SLC31A1: variants seen among roughly 807,000 people sequenced by gnomAD.
SLC31A1 encodes the protein solute carrier family 31 member 1, also known as high affinity copper uptake protein 1.
Under a neutral mutation model 17.2 loss-of-function variants are expected in SLC31A1, and 5 were observed. The observed-to-expected ratio is 0.29, with a 90% CI of 0.15 to 0.61. The LOEUF is 0.61. Among genes scored for constraint, SLC31A1 ranks in the 20% least tolerant of loss-of-function variants. The pLI is 0.86. For synonymous variants in SLC31A1, 76 were observed against 78.8 expected, an observed-to-expected ratio of 0.96 and a Z score of 0.19; for missense variants, 161 against 241.4, an observed-to-expected ratio of 0.67 and a Z score of 2.21.
intron 1 of SLC31A1, among the ~76,000 whole-genome samples, chr9:113,222,965 A>AT (rs539021987): frequency 8.3e-4 from 127 of 152,274 alleles, no homozygotes; most frequent in African/African-American, 2.9e-3. Context: ...TATCTATGGT[A>AT]TTTTTAACAT....
chr9:113,246,706 C>A (rs1831583391), intron 1 of SLC31A1, among the ~76,000 whole-genome samples: 1 of 151,542 alleles, frequency 6.6e-6, no homozygotes, highest in African/African-American at 2.4e-5. Flanking sequence ...TGCTCTATAT[C>A]CCAGGCTGGA....
Position 113,221,603 on chromosome 9 carries a change from G to T in SLC31A1, c.-111G>T. ...CGAGCCGGGTAGAAGTGGAGGGGCCGTTCGAAGAGTCGTGAGGGGGTGACG... is the reference window on the plus strand; with the variant it reads ...CGAGCCGGGTAGAAGTGGAGGGGCCTTTCGAAGAGTCGTGAGGGGGTGACG... On this transcript the variant is annotated 5_prime_UTR_variant, in exon 1 of 5. Transcript: ENST00000374212. 2.5e-6 allele frequency: 1 copy of T among 400,904 alleles called. No homozygotes were observed. The highest frequency in any genetic ancestry group is 4.8e-6 in the Non-Finnish European group (1 of 210,290). The allele number at this position is 400,904 out of a possible 1,614,324, so 24.8% of individuals were successfully genotyped here.
At chr9:113,245,654 G>T (rs1321672428) in intron 1 of SLC31A1, among the ~76,000 whole-genome samples, 3 of 149,786 alleles carry the variant, frequency 2.0e-5, no homozygotes, top group Non-Finnish European at 4.4e-5. Flanking sequence ...TTTTTTTTAA[G>T]ACAAGACATT....
In SLC31A1 at chr9:113,221,565, G is replaced by C. The variant is rs1831268825; in HGVS notation, c.-149G>C. ...CGGGAAATCCTCGGCCTCGGTGGCG[G>C]TGGTGGACACGTCGAGCCGGGTAGA... is the stretch of plus-strand genomic sequence containing the variant. On this transcript the variant is annotated 5_prime_UTR_variant, in exon 1 of 5. Coordinates refer to ENST00000374212, the MANE Select transcript of SLC31A1 (RefSeq NM_001859.4). The C allele has an allele frequency of 4.4e-6, 2 of 454,192 alleles. No homozygotes were observed. Among genetic ancestry groups the C allele is most frequent in the East Asian group, 9.4e-5 (2 of 21,286 alleles). 28.1% of individuals were successfully genotyped at this position (454,192 alleles called of 1,614,324 possible).
At chr9:113,224,155 C>T (rs1443260252) in intron 1 of SLC31A1, among the ~76,000 whole-genome samples, 5 of 152,318 alleles carry the variant, frequency 3.3e-5, no homozygotes, top group African/African-American at 4.8e-5. Context: ...TATGACTCCT[C>T]TTACCCTCCA....
In SLC31A1 at chr9:113,264,306, C is replaced by T. The variant is rs141123297; in HGVS notation, c.*3833C>T. ...TCCAGCCTGGGCGACAAGAGCAAAA[C>T]TCCGTCTCAAAAAAAAAAAAAAGAT... On this transcript the variant is annotated 3_prime_UTR_variant, in exon 5 of 5. Coordinates refer to ENST00000374212, the MANE Select transcript of SLC31A1 (RefSeq NM_001859.4). 6.6e-6 allele frequency: 1 copy of T among 150,666 alleles called. No homozygotes were observed. The highest frequency in any genetic ancestry group is 1.5e-5 in the Non-Finnish European group (1 of 67,816). The allele number at this position is 150,666 out of a possible 1,614,324, so 9.3% of individuals were successfully genotyped here. A position where few individuals can be genotyped will look rare whatever the true frequency, so the allele number is the denominator to read the frequency against.
At chr9:113,231,163 G>C (rs1271042700) in intron 1 of SLC31A1, among the ~76,000 whole-genome samples, 1 of 152,170 alleles carries the variant, frequency 6.6e-6, no homozygotes, top group Non-Finnish European at 1.5e-5. Context: ...GAAAGGACAA[G>C]AGACCAAGTA....
At chr9:113,239,743 C>T (rs894692123) in intron 1 of SLC31A1, among the ~76,000 whole-genome samples, 33 of 152,228 alleles carry the variant, frequency 2.2e-4, no homozygotes, top group Non-Finnish European at 4.3e-4. Context: ...GCCACCACGC[C>T]CAGCTAACTT....
At chr9:113,249,294 T>C (rs1010157134) in intron 1 of SLC31A1, among the ~76,000 whole-genome samples, 2 of 75,200 alleles carry the variant, frequency 2.7e-5, no homozygotes, top group African/African-American at 9.9e-5. Context: ...TATACCTCAA[T>C]TGGCAAAAAA....
chr9:113,257,461 C>G (rs1261786231), intron 3 of SLC31A1, among the ~76,000 whole-genome samples: 1 of 145,036 alleles, frequency 6.9e-6, no homozygotes, highest in South Asian at 2.2e-4. Flanking sequence ...TTCTTTCATT[C>G]TTTTCCAGAG....
intron 1 of SLC31A1, among the ~76,000 whole-genome samples, chr9:113,251,233 G>A (rs902880400): frequency 3.9e-5 from 6 of 152,048 alleles, no homozygotes; most frequent in African/African-American, 1.4e-4. Context: ...CACCAGCCTT[G>A]CCAACATGGT....
rs1166705450 is a variant in SLC31A1 at position 113,251,525 on chromosome 9, C to A, written c.-35-4589C>A. On this transcript the variant is annotated intron_variant, in intron 1 of 4. Coordinates refer to ENST00000374212, the MANE Select transcript of SLC31A1 (RefSeq NM_001859.4). ...CATTTTTATTTTGGAAGAAGCTGAG[C>A]TTAAGTCAGATTAAAGCTACCAAAG... 4.0e-5 allele frequency among the ~76,000 whole-genome samples: 6 copies of A among 151,876 alleles called. No homozygotes were observed. In the East Asian group the frequency reaches 1.2e-3, roughly 29 times the overall value.
intron 1 of SLC31A1, among the ~76,000 whole-genome samples, chr9:113,252,951 T>C (rs938144081): frequency 2.6e-5 from 3 of 113,796 alleles, no homozygotes; most frequent in South Asian, 2.8e-4. Flanking sequence ...CTTTTCTTTT[T>C]TTCTTTTTTT....
intron 1 of SLC31A1, among the ~76,000 whole-genome samples, chr9:113,225,950 A>C (rs886308866): frequency 2.0e-5 from 3 of 152,196 alleles, no homozygotes; most frequent in Non-Finnish European, 4.4e-5. Context: ...CCTGGCCAAC[A>C]TGGTGAAACC....
At chr9:113,251,805 A>G (rs930026166) in intron 1 of SLC31A1, among the ~76,000 whole-genome samples, 2 of 152,182 alleles carry the variant, frequency 1.3e-5, no homozygotes, top group Admixed American at 6.5e-5. Flanking sequence ...ATCTTTTCCT[A>G]AAATAAAGCT....
At chr9:113,250,694 A>G (rs1484387536) in intron 1 of SLC31A1, among the ~76,000 whole-genome samples, 2 of 151,980 alleles carry the variant, frequency 1.3e-5, no homozygotes, top group African/African-American at 4.8e-5. Flanking sequence ...AAAACTTCAA[A>G]AAAAAAAAAG....
At chr9:113,236,664 C>T (rs1831464392) in intron 1 of SLC31A1, among the ~76,000 whole-genome samples, 1 of 152,152 alleles carries the variant, frequency 6.6e-6, no homozygotes, top group Non-Finnish European at 1.5e-5. Context: ...ACCCGGCCCT[C>T]ACTGAAACTA....
intron 1 of SLC31A1, among the ~76,000 whole-genome samples, chr9:113,239,849 G>A (rs570589172): frequency 6.6e-6 from 1 of 152,362 alleles, no homozygotes; most frequent in South Asian, 2.1e-4. Flanking sequence ...CTCCCAAAGT[G>A]TTGGGATTAC....
intron 1 of SLC31A1, among the ~76,000 whole-genome samples, chr9:113,238,581 A>G (rs1161217112): frequency 1.3e-5 from 2 of 152,120 alleles, no homozygotes; most frequent in Non-Finnish European, 2.9e-5. Flanking sequence ...GGCCAACATG[A>G]TGAAACCCTG....
Sources: allele counts gnomAD v4.1 joint callset (sites outside exome capture counted in the v4.1 genomes callset), GRCh38; gene constraint gnomAD v4.1.1; transcripts MANE v1.5; gene names NCBI Gene and HGNC (gene_info 2026-07-23, HGNC 2026-07-21).